The following MCTP2 variants were observed in gnomAD, a reference collection of about 807,000 sequenced individuals.
The protein encoded by MCTP2 is multiple C2 and transmembrane domain containing 2, also known as multiple C2 and transmembrane domain-containing protein 2.
Under a neutral mutation model 111.6 loss-of-function variants are expected in MCTP2, and 132 were observed. The ratio of observed to expected loss-of-function variants is 1.18; its 90% CI spans 1.03 to 1.37. The LOEUF is 1.37. Among genes scored for constraint, MCTP2 ranks in the 40% most tolerant of loss-of-function variants. The probability of loss-of-function intolerance (pLI) is 0.00; values close to 1 mark genes in which losing one functional copy is unlikely to be tolerated. For synonymous variants in MCTP2, 395 were observed against 387.7 expected (o/e 1.02, Z -0.22); for missense variants, 1,183 against 1,067.9 (o/e 1.11, Z -1.50).
chr15:94,403,017 AG>A (rs2081681769), intron 17 of MCTP2: 1 of 997,870 alleles, frequency 1.0e-6, no homozygotes, highest in South Asian at 4.5e-5. Context: ...TATTAGCCCA[AG>A]AAGCCAATGG....
intron 17 of MCTP2, chr15:94,403,333 T>G: frequency 5.2e-6 from 4 of 774,336 alleles, no homozygotes; most frequent in Non-Finnish European, 6.3e-6. Context: ...GGTGGCTTCA[T>G]GCGTTGAGTT....
chr15:94,386,041 AGCAGAGG>A (rs1424984151), intron 14 of MCTP2, among the ~76,000 whole-genome samples: 1 of 152,240 alleles, frequency 6.6e-6, no homozygotes, highest in East Asian at 1.9e-4. Context: ...TGTGGAAGAA[AGCAGAGG>A]GCCTTTCTTG....
intron 6 of MCTP2, 45 bp downstream of exon 6, chr15:94,340,320 G>T: frequency 7.3e-7 from 1 of 1,375,264 alleles, no homozygotes; most frequent in Non-Finnish European, 1.0e-6. Flanking sequence ...AGTTTTAGAG[G>T]GAACTTACGA....
At chr15:94,245,428 ATATT>A (rs1345002365) in intron 1 of MCTP2, among the ~76,000 whole-genome samples, 11 of 105,038 alleles carry the variant, frequency 1.0e-4, no homozygotes, top group South Asian at 5.9e-4. Flanking sequence ...ATGTGTGTAT[ATATT>A]TATATATACA....
intron 1 of MCTP2, among the ~76,000 whole-genome samples, chr15:94,263,150 A>C (rs2073297111): frequency 6.6e-6 from 1 of 152,236 alleles, no homozygotes. Context: ...TTCATAGTAG[A>C]ATATAGACTC....
chr15:94,402,839 C>T (rs181191377), intron 17 of MCTP2: 819 of 1,296,828 alleles, frequency 6.3e-4, no homozygotes, highest in Non-Finnish European at 7.5e-4. Flanking sequence ...AAAACTAATA[C>T]GAGGTATGAG....
chr15:94,262,543 T>C (rs1160167820), intron 1 of MCTP2, among the ~76,000 whole-genome samples: 1 of 152,244 alleles, frequency 6.6e-6, no homozygotes, highest in Non-Finnish European at 1.5e-5. Flanking sequence ...CGATTTAGTA[T>C]ACATTTAAAA....
Position 94,403,400 on chromosome 15 carries a change from T to C in MCTP2, c.2085+1381T>C, listed in dbSNP as rs373976424. 207 of 260,870 alleles carry C rather than the reference T, an allele frequency of 7.9e-4. 1 individual carries two copies. In the South Asian group the frequency reaches 0.028, roughly 35 times the overall value. The allele number at this position is 260,870 out of a possible 1,614,324, so 16.2% of individuals were successfully genotyped here. On this transcript the variant is annotated intron_variant, in intron 17 of 22. Transcript: ENST00000357742. ...CCGAATTCCCTTTCAAAACTTTCCA[T>C]GGAATGTTCTATGCAATTCTGGGCA...
intron 1 of MCTP2, among the ~76,000 whole-genome samples, chr15:94,263,273 A>C (rs947162709): frequency 6.6e-6 from 1 of 152,160 alleles, no homozygotes; most frequent in African/African-American, 2.4e-5. Context: ...ACATACAGCT[A>C]AGTCTCATTG....
intron 20 of MCTP2, among the ~76,000 whole-genome samples, chr15:94,470,019 A>T (rs887415865): frequency 6.6e-6 from 1 of 152,216 alleles, no homozygotes; most frequent in Non-Finnish European, 1.5e-5. Flanking sequence ...ATGCATAGCC[A>T]TCGTGGCAAC....
rs894677920 is a variant in MCTP2, at chr15:94,328,278, G to A, written c.638-11012G>A. ...TGAGTAGCTGGGACTACAGGTGCCC[G>A]CCACCACGCCCGGCTAATTTTTTGT... On this transcript the variant is annotated intron_variant, in intron 4 of 22. Coordinates refer to ENST00000357742, the MANE Select transcript of MCTP2 (RefSeq NM_001385001.1). Among the ~76,000 whole-genome samples, 9 of 151,744 alleles carry A rather than the reference G, an allele frequency of 5.9e-5. No homozygotes were observed. The South Asian group carries it at 6.3e-4, about 11-fold the overall frequency.
At chr15:94,416,874 A>G (rs917900923) in intron 17 of MCTP2, among the ~76,000 whole-genome samples, 1 of 152,144 alleles carries the variant, frequency 6.6e-6, no homozygotes, top group Non-Finnish European at 1.5e-5. Context: ...CGTCTTTGTC[A>G]TCTCCTTCTC....
chr15:94,443,981 CA>C (rs58768404), intron 19 of MCTP2, among the ~76,000 whole-genome samples: 2,322 of 69,254 alleles, frequency 0.034, 18 homozygotes, highest in African/African-American at 0.13. Context: ...GATATTTTAC[CA>C]AAAAAAAAAA....
At chr15:94,355,263 G>C (rs925813821) in intron 8 of MCTP2, among the ~76,000 whole-genome samples, 4 of 152,212 alleles carry the variant, frequency 2.6e-5, no homozygotes, top group Admixed American at 6.5e-5. Context: ...ATTTCAACCA[G>C]AAAGGAATGA....
chr15:94,435,626 A>ATTTTTTTTTTTTTTTTT (rs1287049287), intron 17 of MCTP2, among the ~76,000 whole-genome samples: 1 of 132,256 alleles, frequency 7.6e-6, no homozygotes, highest in Admixed American at 7.4e-5. Flanking sequence ...TACTTTTTTT[A>ATTTTTTTTTTTTTTTTT]TTCTTTTTTT....
chr15:94,295,473 C>T (rs774981499), intron 1 of MCTP2, among the ~76,000 whole-genome samples: 1 of 152,074 alleles, frequency 6.6e-6, no homozygotes, highest in Non-Finnish European at 1.5e-5. Flanking sequence ...TCTGAAGCTG[C>T]TCCCACAGAA....
At chr15:94,329,080 G>A (rs2077021561) in intron 4 of MCTP2, among the ~76,000 whole-genome samples, 1 of 152,144 alleles carries the variant, frequency 6.6e-6, no homozygotes, top group Non-Finnish European at 1.5e-5. Flanking sequence ...CTTTTATGAT[G>A]CAGCCTTGGA....
chr15:94,478,258 A>G (rs1199703387), intron 22 of MCTP2, among the ~76,000 whole-genome samples: 1 of 152,228 alleles, frequency 6.6e-6, no homozygotes, highest in Admixed American at 6.5e-5. Flanking sequence ...TCCAGTCACT[A>G]GCCCTCAAAG....
intron 12 of MCTP2, among the ~76,000 whole-genome samples, chr15:94,380,294 A>T (rs2080059894): frequency 6.6e-6 from 1 of 152,170 alleles, no homozygotes; most frequent in Non-Finnish European, 1.5e-5. Context: ...GAGATCTGAA[A>T]TGGAAACAAC....
Sources: allele counts gnomAD v4.1 joint callset (sites outside exome capture counted in the v4.1 genomes callset), GRCh38; gene constraint gnomAD v4.1.1; transcripts MANE v1.5; gene names NCBI Gene and HGNC (gene_info 2026-07-23, HGNC 2026-07-21).